SPATA9: variants seen among roughly 807,000 people sequenced by gnomAD.
SPATA9 encodes spermatogenesis-associated protein 9.
SPATA9 carries 27 observed loss-of-function variants against 25.5 expected under a neutral mutation model. That is an observed-to-expected ratio of 1.06 (90% confidence interval 0.78 to 1.46). The LOEUF (loss-of-function observed/expected upper bound fraction) is 1.46, where lower values mean the gene tolerates loss of function less well. Ranked by LOEUF, SPATA9 falls within the 40% of genes most tolerant of loss-of-function variation. SPATA9 has a pLI of 0.00. For synonymous variants in SPATA9, 102 were observed against 105.7 expected, an observed-to-expected ratio of 0.97 and a Z score of 0.21; for missense variants, 282 against 297.5, an observed-to-expected ratio of 0.95 and a Z score of 0.38.
upstream of SPATA9, among the ~76,000 whole-genome samples, chr5:95,683,904 C>A (rs1753647387): frequency 6.6e-6 from 1 of 152,058 alleles, no homozygotes; most frequent in Admixed American, 6.6e-5. Context: ...TAATTTGAAG[C>A]CCTCATATTT....
downstream of SPATA9, chr5:95,652,675 T>C (rs1750421609): frequency 4.1e-6 from 1 of 246,118 alleles, no homozygotes; most frequent in Admixed American, 5.0e-5. Context: ...AATACCTTTT[T>C]AGTAACATGG....
downstream of SPATA9, among the ~76,000 whole-genome samples, chr5:95,654,918 A>T (rs1750644452): frequency 1.3e-5 from 2 of 152,118 alleles, no homozygotes; most frequent in South Asian, 4.1e-4. Flanking sequence ...TAACAAAAAT[A>T]TACAGTATAA....
At chr5:95,698,932 T>C (rs1754109076), upstream of SPATA9, among the ~76,000 whole-genome samples, 1 of 152,170 alleles carries the variant, frequency 6.6e-6, no homozygotes, top group Admixed American at 6.5e-5. Context: ...TGCAACAACA[T>C]AACTATAAAA....
At chr5:95,716,447 T>TA in the SPATA9 span, among the ~76,000 whole-genome samples, 1 of 152,256 alleles carries the variant, frequency 6.6e-6, no homozygotes, top group Non-Finnish European at 1.5e-5. Context: ...ATGGGGCCTG[T>TA]AGCCCCTTCA....
At chr5:95,720,576 T>G in the SPATA9 span, among the ~76,000 whole-genome samples, 1 of 152,154 alleles carries the variant, frequency 6.6e-6, no homozygotes, top group African/African-American at 2.4e-5. Context: ...AGGCTAAAGC[T>G]AATGAGTACT....
At chr5:95,680,806 A>T (rs142567536) in intron 2 of SPATA9, among the ~76,000 whole-genome samples, 13 of 152,310 alleles carry the variant, frequency 8.5e-5, no homozygotes, top group African/African-American at 2.9e-4. Context: ...AGGCTTGGAC[A>T]GGATGTGGCA....
chr5:95,722,149 G>C, the SPATA9 span, among the ~76,000 whole-genome samples: 1 of 152,136 alleles, frequency 6.6e-6, no homozygotes, highest in Non-Finnish European at 1.5e-5. Flanking sequence ...CGTGCCAGCT[G>C]GGATAGTACC....
At chr5:95,668,025 C>A (rs1020196902) in intron 3 of SPATA9, among the ~76,000 whole-genome samples, 3 of 152,184 alleles carry the variant, frequency 2.0e-5, no homozygotes, top group African/African-American at 7.2e-5. Flanking sequence ...TCCCCAGAAG[C>A]TGATGCTGCC....
At chr5:95,667,318 G>C (rs373258731) in intron 3 of SPATA9, among the ~76,000 whole-genome samples, 2 of 151,472 alleles carry the variant, frequency 1.3e-5, no homozygotes, top group African/African-American at 2.4e-5. Flanking sequence ...CTAAGAGTGG[G>C]GGGGTGGGGG....
the SPATA9 span, among the ~76,000 whole-genome samples, chr5:95,716,352 G>A: frequency 6.6e-6 from 1 of 152,262 alleles, no homozygotes; most frequent in Non-Finnish European, 1.5e-5. Flanking sequence ...TCTTGCATCA[G>A]TGTGACCTGC....
chr5:95,728,907 T>G, the SPATA9 span, among the ~76,000 whole-genome samples: 1 of 152,230 alleles, frequency 6.6e-6, no homozygotes, highest in Non-Finnish European at 1.5e-5. Flanking sequence ...CTGCTCATTA[T>G]ATGCTAATTA....
At chr5:95,681,921 A>G (rs1753494973) in intron 2 of SPATA9, among the ~76,000 whole-genome samples, 1 of 152,206 alleles carries the variant, frequency 6.6e-6, no homozygotes, top group South Asian at 2.1e-4. Flanking sequence ...TTTTCCATTA[A>G]GAGCTGTGTG....
At chr5:95,681,202 G>A (rs1753423487) in intron 2 of SPATA9, among the ~76,000 whole-genome samples, 1 of 152,146 alleles carries the variant, frequency 6.6e-6, no homozygotes, top group South Asian at 2.1e-4. Flanking sequence ...GGAAAGTCCA[G>A]TCTTTTTCAC....
At chr5:95,727,038 C>A in the SPATA9 span, among the ~76,000 whole-genome samples, 40 of 152,156 alleles carry the variant, frequency 2.6e-4, 1 homozygote, top group East Asian at 7.1e-3. Context: ...ATCTTCTGTA[C>A]CCCACCTTGA....
the SPATA9 span, among the ~76,000 whole-genome samples, chr5:95,729,130 A>T: frequency 6.6e-6 from 1 of 152,256 alleles, no homozygotes; most frequent in Non-Finnish European, 1.5e-5. Flanking sequence ...CGAGCAGCCC[A>T]TGACACTGCT....
intron 3 of SPATA9, among the ~76,000 whole-genome samples, chr5:95,667,282 A>G (rs1751901983): frequency 7.1e-6 from 1 of 141,832 alleles, no homozygotes; most frequent in South Asian, 2.3e-4. Flanking sequence ...GAACAAGGAA[A>G]CCAAGAATAG....
Position 95,690,181 on chromosome 5 carries a change from A to C in SPATA9, n.124+8407T>G, listed in dbSNP as rs923128866. On this transcript the variant is annotated intron_variant and non_coding_transcript_variant, in intron 1 of 2. Transcript: ENST00000379990. Reference sequence around the variant, plus strand: ...CCTACACATGAACTGCTAAAATAAAAGTTAAAAAAAAGAAGATCAAAGAAC... The same window carrying C: ...CCTACACATGAACTGCTAAAATAAACGTTAAAAAAAAGAAGATCAAAGAAC... Among the ~76,000 whole-genome samples the C allele has an allele frequency of 2.6e-5, 4 of 151,966 alleles. No homozygotes were observed. In the South Asian group the frequency reaches 8.3e-4, roughly 32 times the overall value.
chr5:95,707,492 C>A, the SPATA9 span, among the ~76,000 whole-genome samples: 6 of 148,628 alleles, frequency 4.0e-5, no homozygotes, highest in African/African-American at 1.5e-4. Flanking sequence ...AGGCGGGGGG[C>A]CTAGTTAAAA....
chr5:95,722,651 G>A, the SPATA9 span, among the ~76,000 whole-genome samples: 1 of 152,112 alleles, frequency 6.6e-6, no homozygotes, highest in Non-Finnish European at 1.5e-5. Context: ...CACCATGCCC[G>A]GCTAATTTTT....
Sources: allele counts gnomAD v4.1 joint callset (sites outside exome capture counted in the v4.1 genomes callset), GRCh38; gene constraint gnomAD v4.1.1; transcripts MANE v1.5; gene names NCBI Gene and HGNC (gene_info 2026-07-23, HGNC 2026-07-21).